The following SUSD1 variants were observed in gnomAD, a reference collection of about 807,000 sequenced individuals.
The protein encoded by SUSD1 is sushi domain-containing protein 1.
In SUSD1, 65 loss-of-function variants were observed where a neutral mutation model predicts 86.9. The observed-to-expected ratio is 0.75, with a 90% CI of 0.61 to 0.92. The LOEUF (loss-of-function observed/expected upper bound fraction) is 0.92. SUSD1 is among the 40% of genes least tolerant of loss of function. SUSD1 has a pLI of 0.00. For missense variants in SUSD1, 850 were observed against 929.7 expected (o/e 0.91, Z 1.11); for synonymous variants, 346 against 350.0 (o/e 0.99, Z 0.13).
Position 112,149,244 on chromosome 9 carries a change from C to T in SUSD1, c.373G>A (p.Asp125Asn), listed in dbSNP as rs747957010. 1.6e-5 allele frequency: 26 copies of T among 1,613,980 alleles called. No homozygotes were observed. Among genetic ancestry groups the T allele is most frequent in the Non-Finnish European group, 2.1e-5 (25 of 1,179,996 alleles). The change falls in exon 3 of 17, where the codon GAC becomes AAC. Residue 125 changes from aspartate to asparagine, a missense_variant and splice_region_variant. Asp to Asn is a conservative substitution (Grantham distance 23). Coordinates refer to ENST00000374270, the MANE Select transcript of SUSD1 (RefSeq NM_022486.5). ...FIPNDGTFCTDIDECEVSGLC... is the reference protein window; with the variant it reads ...FIPNDGTFCTNIDECEVSGLC... ...ACACCGCAGCCCCCTTCTTGAGTAC[C>T]TGTACAAAAGGTGCCATCGTTGGGA...
intron 1 of SUSD1, among the ~76,000 whole-genome samples, chr9:112,158,911 C>T (rs1369188835): frequency 6.6e-6 from 1 of 151,978 alleles, no homozygotes; most frequent in African/African-American, 2.4e-5. Flanking sequence ...TTATTGACTG[C>T]CTGGATAGAG....
Position 112,098,489 on chromosome 9 carries a change from T to A in SUSD1, c.1455A>T (p.Thr485=), listed in dbSNP as rs199610397. The A allele has an allele frequency of 4.3e-6, 7 of 1,613,898 alleles. No individual in the cohort carries two copies. The highest frequency in any genetic ancestry group is 1.1e-5 in the South Asian group (1 of 91,074). Residue 485 remains threonine (T), a synonymous_variant, in exon 10 of 17, where the codon ACA becomes ACT. Coordinates refer to ENST00000374270, the MANE Select transcript of SUSD1 (RefSeq NM_022486.5). The part of the protein sequence containing the change: ...RSPKRHSVQI[T]IATPPAVKQT... Reference sequence around the variant, plus strand: ...ACCCACCTGCTGGGGGAGTTGCTATTGTTATTTGCACTGAGTGCCGCTTAG... The same window carrying A: ...ACCCACCTGCTGGGGGAGTTGCTATAGTTATTTGCACTGAGTGCCGCTTAG...
intron 10 of SUSD1, among the ~76,000 whole-genome samples, chr9:112,089,389 A>G (rs1326956694): frequency 6.6e-6 from 1 of 152,264 alleles, no homozygotes; most frequent in African/African-American, 2.4e-5. Flanking sequence ...TATAAGACAA[A>G]GTAGAATTCA....
At chr9:112,109,283 G>A (rs558418902) in intron 8 of SUSD1, among the ~76,000 whole-genome samples, 2 of 152,216 alleles carry the variant, frequency 1.3e-5, no homozygotes, top group Admixed American at 1.3e-4. Flanking sequence ...ATGATATAAA[G>A]TATTCCAGAG....
intron 1 of SUSD1, among the ~76,000 whole-genome samples, chr9:112,172,660 C>A (rs1435489245): frequency 6.6e-6 from 1 of 152,212 alleles, no homozygotes; most frequent in Admixed American, 6.5e-5. Flanking sequence ...AGCCCCCAAG[C>A]CTTAGTGTCA....
intron 13 of SUSD1, among the ~76,000 whole-genome samples, chr9:112,061,015 C>T (rs563181985): frequency 1.3e-4 from 20 of 152,258 alleles, no homozygotes; most frequent in African/African-American, 4.3e-4. Flanking sequence ...TATACAAATT[C>T]CCCGACCTCA....
intron 12 of SUSD1, among the ~76,000 whole-genome samples, chr9:112,075,827 C>T (rs1183423035): frequency 4.6e-5 from 7 of 152,030 alleles, no homozygotes; most frequent in Non-Finnish European, 7.4e-5. Context: ...AGAGTACTAG[C>T]GTGGAGGCTG....
At chr9:112,147,597 C>T (rs763540818) in intron 3 of SUSD1, among the ~76,000 whole-genome samples, 8 of 151,914 alleles carry the variant, frequency 5.3e-5, no homozygotes, top group African/African-American at 1.5e-4. Context: ...GGTGAAACCC[C>T]GTCTCTCCTA....
At chr9:112,135,991 A>G (rs1408116091) in intron 5 of SUSD1, among the ~76,000 whole-genome samples, 1 of 152,234 alleles carries the variant, frequency 6.6e-6, no homozygotes, top group Non-Finnish European at 1.5e-5. Context: ...AAGCTCATGC[A>G]TCGTCCCCAC....
chr9:112,078,727 G>A lies in SUSD1; in HGVS notation c.1567-3C>T. ...CATCTCTGGCCCCAAATGTGGAACTGAAACATAAAAAAGCTCACTGGGTGA... is the reference window on the plus strand; with the variant it reads ...CATCTCTGGCCCCAAATGTGGAACTAAAACATAAAAAAGCTCACTGGGTGA... On this transcript the variant is annotated splice_polypyrimidine_tract_variant and splice_region_variant and intron_variant, in intron 11 of 16. Coordinates refer to ENST00000374270, the MANE Select transcript of SUSD1 (RefSeq NM_022486.5). 6.2e-7 allele frequency: 1 copy of A among 1,607,806 alleles called. No individual in the cohort carries two copies. The highest frequency in any genetic ancestry group is 2.2e-5 in the East Asian group (1 of 44,754).
rs1319097021 is a variant in SUSD1, at chr9:112,165,833, A to G, written c.104-8220T>C. Among the ~76,000 whole-genome samples the G allele has an allele frequency of 2.9e-5, 4 of 139,182 alleles. No homozygotes were observed. The East Asian group carries it at 8.7e-4, about 30-fold the overall frequency. The allele number at this position is 139,182 out of a possible 152,430, so 91.3% of individuals were successfully genotyped here. On this transcript the variant is annotated intron_variant, in intron 1 of 16. Transcript: ENST00000374270. ...GAGAGAGAAAAAGAAAGAAAGAAAGAGAAAGAAAGAAAGAGAAAGAGAAGG... is the reference window on the plus strand; with the variant it reads ...GAGAGAGAAAAAGAAAGAAAGAAAGGGAAAGAAAGAAAGAGAAAGAGAAGG...
intron 3 of SUSD1, among the ~76,000 whole-genome samples, chr9:112,149,014 C>T (rs1003697110): frequency 1.3e-5 from 2 of 151,928 alleles, no homozygotes; most frequent in Non-Finnish European, 2.9e-5. Context: ...TTACATTTTG[C>T]CATTTAAAGT....
intron 10 of SUSD1, among the ~76,000 whole-genome samples, chr9:112,088,012 A>G (rs527722194): frequency 1.3e-5 from 2 of 152,358 alleles, no homozygotes; most frequent in East Asian, 3.9e-4. Flanking sequence ...GGGCAAAAGA[A>G]TCAGGCTGCA....
intron 5 of SUSD1, among the ~76,000 whole-genome samples, chr9:112,133,978 A>G (rs1054298814): frequency 6.6e-6 from 1 of 152,234 alleles, no homozygotes; most frequent in Non-Finnish European, 1.5e-5. Context: ...GCTCCACAAC[A>G]CTAATCAGAG....
chr9:112,043,233 T>G (rs1186061398), intron 15 of SUSD1, among the ~76,000 whole-genome samples: 5 of 152,230 alleles, frequency 3.3e-5, no homozygotes, highest in Non-Finnish European at 7.3e-5. Flanking sequence ...GATTCTGAAC[T>G]GCTCAAATTG....
At chr9:112,043,944 G>T (rs1827851347) in intron 15 of SUSD1, among the ~76,000 whole-genome samples, 2 of 152,072 alleles carry the variant, frequency 1.3e-5, no homozygotes, top group African/African-American at 4.8e-5. Context: ...GGGACTACAG[G>T]TGTACTCCAC....
intron 6 of SUSD1, among the ~76,000 whole-genome samples, chr9:112,114,117 T>C (rs981925692): frequency 4.1e-4 from 62 of 152,176 alleles, no homozygotes; most frequent in African/African-American, 1.4e-3. Flanking sequence ...CAAAAATCTA[T>C]TGTATTTCTA....
At chr9:112,093,399 C>T (rs1261331703) in intron 10 of SUSD1, among the ~76,000 whole-genome samples, 1 of 152,178 alleles carries the variant, frequency 6.6e-6, no homozygotes, top group African/African-American at 2.4e-5. Context: ...AAGAGGTAAG[C>T]ACCCAGTGTC....
intron 5 of SUSD1, among the ~76,000 whole-genome samples, chr9:112,132,597 T>C (rs115461182): frequency 0.011 from 1,705 of 152,198 alleles, 43 homozygotes; most frequent in African/African-American, 0.039. Flanking sequence ...AATACCAGAG[T>C]CTGCACAATG....
Sources: allele counts gnomAD v4.1 joint callset (sites outside exome capture counted in the v4.1 genomes callset), GRCh38; gene constraint gnomAD v4.1.1; transcripts MANE v1.5; gene names NCBI Gene and HGNC (gene_info 2026-07-23, HGNC 2026-07-21).